The following CABLES1 variants were observed in gnomAD, a reference collection of about 807,000 sequenced individuals.
CABLES1 encodes the protein Cdk5 and Abl enzyme substrate 1.
CABLES1 carries 36 observed loss-of-function variants against 57.8 expected under a neutral mutation model. That is an observed-to-expected ratio of 0.62 (90% CI 0.48 to 0.82). CABLES1 has a LOEUF of 0.82. CABLES1 is among the 40% of genes least tolerant of loss of function. The pLI, the probability that CABLES1 is intolerant of heterozygous loss-of-function variation, is 0.00. For missense variants in CABLES1, 767 were observed against 836.6 expected (o/e 0.92, Z 1.03); for synonymous variants, 374 against 363.0 (o/e 1.03, Z -0.35).
rs767964559 is a variant in CABLES1 at position 23,194,548 on chromosome 18, A to G, written c.1010+8A>G. 5 of 1,583,060 alleles carry G rather than the reference A, an allele frequency of 3.2e-6. No individual in the cohort carries two copies. The highest frequency in any genetic ancestry group is 4.3e-6 in the Non-Finnish European group (5 of 1,151,922). On this transcript the variant is annotated splice_region_variant and intron_variant, in intron 3 of 9. Coordinates refer to ENST00000256925, the MANE Select transcript of CABLES1 (RefSeq NM_001100619.3). ...CGATACCAGGAATGGCAGGTACTAC[A>G]TTCACACAGAAGCGGCTGCCAGCAC...
chr18:23,135,610 T>A lies in CABLES1; in HGVS notation c.-153T>A. The A allele has an allele frequency of 2.3e-6, 1 of 438,892 alleles. No individual in the cohort carries two copies. The highest frequency in any genetic ancestry group is 3.0e-6 in the Non-Finnish European group (1 of 333,750). 27.2% of individuals were successfully genotyped at this position (438,892 alleles called of 1,614,324 possible). ...CATCCCCAGCACCGAGGGGCGAGCATGGCCCGCCCGCGGGGGGGCTGGACC... is the reference window on the plus strand; with the variant it reads ...CATCCCCAGCACCGAGGGGCGAGCAAGGCCCGCCCGCGGGGGGGCTGGACC... On this transcript the variant is annotated 5_prime_UTR_variant, in exon 1 of 10. It removes an upstream start codon present in the reference 5' UTR. Transcript: ENST00000256925.
intron 1 of CABLES1, among the ~76,000 whole-genome samples, chr18:23,171,870 A>T (rs1598810405): frequency 6.6e-6 from 1 of 152,124 alleles, no homozygotes; most frequent in Non-Finnish European, 1.5e-5. Flanking sequence ...TGTTGACCAA[A>T]GGGTTAACCT....
At chr18:23,163,684 A>G (rs1447322125) in intron 1 of CABLES1, among the ~76,000 whole-genome samples, 1 of 152,118 alleles carries the variant, frequency 6.6e-6, no homozygotes, top group Non-Finnish European at 1.5e-5. Flanking sequence ...AGGAGTGGCC[A>G]TCTTTAACTG....
At position 23,171,091 on chromosome 18, in the gene CABLES1, C is replaced by T. The variant is rs560886746; in HGVS notation, c.846-17747C>T. On this transcript the variant is annotated intron_variant, in intron 1 of 9. Coordinates refer to ENST00000256925, the MANE Select transcript of CABLES1 (RefSeq NM_001100619.3). The stretch of plus-strand genomic sequence containing the variant: ...GATTGTAGGCGTGAGCCACTGCGCC[C>T]GGCCTGTTCTTTCCTTTAGAGATTA... 3.9e-3 allele frequency among the ~76,000 whole-genome samples: 595 copies of T among 152,332 alleles called. 4 individuals are homozygous for T. Among genetic ancestry groups the T allele is most frequent in the African/African-American group, 0.013 (557 of 41,570 alleles).
At chr18:23,177,856 C>A (rs754597029) in intron 1 of CABLES1, among the ~76,000 whole-genome samples, 49 of 152,292 alleles carry the variant, frequency 3.2e-4, no homozygotes, top group Non-Finnish European at 6.3e-4. Flanking sequence ...TCCACAGTAT[C>A]CTTAAACCAT....
At chr18:23,177,209 G>T (rs183635807) in intron 1 of CABLES1, among the ~76,000 whole-genome samples, 7 of 152,026 alleles carry the variant, frequency 4.6e-5, no homozygotes, top group Non-Finnish European at 1.0e-4. Flanking sequence ...GGGAGGAAGC[G>T]AGACGGCTCC....
intron 3 of CABLES1, among the ~76,000 whole-genome samples, chr18:23,203,868 C>T (rs922844943): frequency 1.3e-5 from 2 of 152,158 alleles, no homozygotes; most frequent in Non-Finnish European, 2.9e-5. Flanking sequence ...GCTTTTTTTC[C>T]TCTCGGAGAT....
At position 23,259,716 on chromosome 18, in the gene CABLES1, C is replaced by G. The variant is rs982873739; in HGVS notation, c.*2349C>G. The G allele has an allele frequency of 1.3e-5, 2 of 152,186 alleles. No homozygotes were observed. The highest frequency in any genetic ancestry group is 2.9e-5 in the Non-Finnish European group (2 of 68,078). 9.4% of individuals were successfully genotyped at this position (152,186 alleles called of 1,614,324 possible). A position where few individuals can be genotyped will look rare whatever the true frequency, so the allele number is the denominator to read the frequency against. On this transcript the variant is annotated 3_prime_UTR_variant, in exon 10 of 10. Coordinates refer to ENST00000256925, the MANE Select transcript of CABLES1 (RefSeq NM_001100619.3). ...CACTGCCAGAGGCACCTCTGTGACA[C>G]GGAACATTCCAGACACGTCGCAGCC...
At chr18:23,214,807 A>C (rs537863376) in intron 4 of CABLES1, 6 of 152,366 alleles carry the variant, frequency 3.9e-5, no homozygotes, top group Non-Finnish European at 7.3e-5. Flanking sequence ...TGCCAGCCAC[A>C]CCACAGACAT....
chr18:23,135,789 C>A lies in CABLES1; in HGVS notation c.27C>A (p.Thr9=), dbSNP rs995342705. ...TGGCGGCGGCGGCGGCGGCCGCCACCACGGCCGCCTGCAGCAGCGGCAGCG... is the reference window on the plus strand; with the variant it reads ...TGGCGGCGGCGGCGGCGGCCGCCACAACGGCCGCCTGCAGCAGCGGCAGCG... The part of the protein sequence containing the change: MAAAAAAA[T]TAACSSGSAG... The change falls in exon 1 of 10, where the codon ACC becomes ACA. Residue 9 remains threonine, a synonymous_variant. Coordinates refer to ENST00000256925, the MANE Select transcript of CABLES1 (RefSeq NM_001100619.3). 4.1e-6 allele frequency: 4 copies of A among 979,698 alleles called. No homozygotes were observed. Among genetic ancestry groups the A allele is most frequent in the South Asian group, 4.6e-5 (1 of 21,594 alleles). The allele number at this position is 979,698 out of a possible 1,614,324, so 60.7% of individuals were successfully genotyped here. A position where few individuals can be genotyped will look rare whatever the true frequency, so the allele number is the denominator to read the frequency against.
chr18:23,241,815 G>A (rs1879750379), intron 7 of CABLES1, among the ~76,000 whole-genome samples: 1 of 152,192 alleles, frequency 6.6e-6, no homozygotes, highest in African/African-American at 2.4e-5. Context: ...GTCAGGACAT[G>A]TCTTAGAGTG....
chr18:23,150,153 G>A (rs1260163248), intron 1 of CABLES1, among the ~76,000 whole-genome samples: 9 of 149,332 alleles, frequency 6.0e-5, no homozygotes, highest in Non-Finnish European at 3.0e-5. Flanking sequence ...CCTCATCTGT[G>A]TCCTAAAGCA....
intron 7 of CABLES1, among the ~76,000 whole-genome samples, chr18:23,242,565 T>A (rs1378834970): frequency 6.6e-6 from 1 of 151,942 alleles, no homozygotes; most frequent in Non-Finnish European, 1.5e-5. Context: ...TCTTTATGGG[T>A]GTGGAAGGCA....
chr18:23,200,690 C>G (rs1439713949), intron 3 of CABLES1, among the ~76,000 whole-genome samples: 15 of 152,180 alleles, frequency 9.9e-5, no homozygotes, highest in Admixed American at 9.8e-4. Context: ...TGTCATGTCC[C>G]ATCAACTTCG....
chr18:23,253,975 C>A (rs1205619333), intron 9 of CABLES1, 39 bp downstream of exon 9: 2 of 1,567,216 alleles, frequency 1.3e-6, no homozygotes, highest in Non-Finnish European at 1.8e-6. Flanking sequence ...GGAGCACATG[C>A]TCCGGTCCGG....
chr18:23,216,943 C>G (rs2047446566), intron 4 of CABLES1, among the ~76,000 whole-genome samples: 1 of 152,104 alleles, frequency 6.6e-6, no homozygotes, highest in Non-Finnish European at 1.5e-5. Flanking sequence ...CTGTGTTGGC[C>G]CTGGACAGAG....
chr18:23,155,056 C>T (rs1022915315), intron 1 of CABLES1, among the ~76,000 whole-genome samples: 1 of 152,158 alleles, frequency 6.6e-6, no homozygotes, highest in Non-Finnish European at 1.5e-5. Flanking sequence ...GCAATAGGAA[C>T]AATATATTTC....
intron 1 of CABLES1, among the ~76,000 whole-genome samples, chr18:23,181,187 TAAAG>T (rs778593229): frequency 6.6e-6 from 1 of 152,080 alleles, no homozygotes; most frequent in African/African-American, 2.4e-5. Flanking sequence ...ATGCATGTAT[TAAAG>T]AAAGCGGCCC....
intron 3 of CABLES1, among the ~76,000 whole-genome samples, chr18:23,209,560 G>A (rs1018996549): frequency 4.6e-5 from 7 of 152,160 alleles, no homozygotes; most frequent in African/African-American, 1.4e-4. Context: ...CCCCTGGGCT[G>A]TGTTTGGGCT....
Sources: allele counts gnomAD v4.1 joint callset (sites outside exome capture counted in the v4.1 genomes callset), GRCh38; gene constraint gnomAD v4.1.1; transcripts MANE v1.5; gene names NCBI Gene and HGNC (gene_info 2026-07-23, HGNC 2026-07-21).